PTCH1: variants seen among roughly 807,000 people sequenced by gnomAD.
The protein encoded by PTCH1 is protein patched homolog 1.
In PTCH1, 14 loss-of-function variants were observed where a neutral mutation model predicts 144.6. The observed-to-expected ratio is 0.10, with a 90% CI of 0.06 to 0.15. The LOEUF is 0.15. PTCH1 is among the 10% of genes least tolerant of loss of function. The pLI is 1.00. For missense variants in PTCH1, 1,623 were observed against 1,948.3 expected, an observed-to-expected ratio of 0.83 and a Z score of 3.14; for synonymous variants, 833 against 793.6, an observed-to-expected ratio of 1.05 and a Z score of -0.83.
intron 1 of PTCH1, among the ~76,000 whole-genome samples, chr9:95,514,911 T>C (rs1402416427): frequency 1.3e-5 from 2 of 152,344 alleles, no homozygotes; most frequent in East Asian, 1.9e-4. Flanking sequence ...GCGGGGCCTA[T>C]TGATGTCTAC....
At chr9:95,469,990 G>A (rs546887424) in intron 12 of PTCH1, 59 bp from the exon 13 acceptor site, 12 of 1,213,778 alleles carry the variant, frequency 9.9e-6, no homozygotes, top group South Asian at 7.2e-5. Flanking sequence ...TCAGAGGACT[G>A]CTTCGAAAAT....
In PTCH1 at chr9:95,468,734, A is replaced by G. The variant is rs367972605; in HGVS notation, c.2250+17T>C. The G allele has an allele frequency of 8.6e-5, 138 of 1,612,702 alleles. No homozygotes were observed. The highest frequency in any genetic ancestry group is 1.1e-4 in the Non-Finnish European group (135 of 1,178,890). On this transcript the variant is annotated intron_variant, in intron 14 of 23. Coordinates refer to ENST00000331920, the MANE Select transcript of PTCH1 (RefSeq NM_000264.5). Reference sequence around the variant, plus strand: ...TTTTTTTGAAGACAGGAAGAGCCTTAAGTTGTGGCAGATTACCTTGGCTTT... The same window carrying G: ...TTTTTTTGAAGACAGGAAGAGCCTTGAGTTGTGGCAGATTACCTTGGCTTT...
At chr9:95,477,767 G>A in intron 9 of PTCH1, 65 bp from the exon 10 acceptor site, 1 of 1,589,512 alleles carries the variant, frequency 6.3e-7, no homozygotes, top group East Asian at 2.3e-5. Context: ...TGATTCTAAT[G>A]TTTCCCTCCA....
chr9:95,482,092 G>C, intron 4 of PTCH1, 42 bp downstream of exon 4: 1 of 1,608,374 alleles, frequency 6.2e-7, no homozygotes. Flanking sequence ...CACACTACTG[G>C]GGTGTTCCTG....
chr9:95,501,572 C>G (rs888950238), intron 2 of PTCH1, among the ~76,000 whole-genome samples: 1 of 152,008 alleles, frequency 6.6e-6, no homozygotes, highest in Admixed American at 6.5e-5. Flanking sequence ...CACAACTTGC[C>G]TCCTTCTTCC....
At chr9:95,486,191 C>G in intron 2 of PTCH1, among the ~76,000 whole-genome samples, 1 of 152,204 alleles carries the variant, frequency 6.6e-6, no homozygotes. Flanking sequence ...GCAGACCAGA[C>G]CAAATAACCC....
intron 1 of PTCH1, chr9:95,507,542 G>A (rs1843783551): frequency 2.9e-6 from 2 of 696,708 alleles, no homozygotes; most frequent in Non-Finnish European, 1.8e-6. Flanking sequence ...AGGCCCTAAG[G>A]AGAGGCGGCT....
At chr9:95,469,201 T>C (rs772697851) in intron 13 of PTCH1, 48 bp from the exon 14 acceptor site, 2 of 1,610,692 alleles carry the variant, frequency 1.2e-6, no homozygotes, top group African/African-American at 1.3e-5. Context: ...AACAGGGAAA[T>C]GGTGCTTTCA....
chr9:95,476,067 G>T lies in PTCH1; in HGVS notation c.1695C>A (p.Ile565=), dbSNP rs1564046738. 6.2e-7 allele frequency: 1 copy of T among 1,614,110 alleles called. No individual in the cohort carries two copies. Residue 565 remains isoleucine, a synonymous_variant, in exon 12 of 24, where the codon ATC becomes ATA. Transcript: ENST00000331920. The surrounding 1 kb of genome is among the most constrained non-coding windows in gnomAD (Gnocchi z 4.6). ...NVTAFFMAAL[I]PIPALRAFSL... is the part of the protein sequence containing the mutation. Reference sequence around the variant, plus strand: ...AGAACGCCCGCAGAGCGGGAATTGGGATTAACGCGGCCATGAAGAAGGCTG... The same window carrying T: ...AGAACGCCCGCAGAGCGGGAATTGGTATTAACGCGGCCATGAAGAAGGCTG...
rs756949381 is a variant in PTCH1, at chr9:95,478,186, C to T, written c.1216G>A (p.Val406Met). 3.7e-6 allele frequency: 6 copies of T among 1,614,088 alleles called. No homozygotes were observed. The East Asian group carries it at 6.7e-5, about 18-fold the overall frequency. ...TTCTGTGCGACACTCTGATGAACCA[C>T]CTGTGGTCACAACAGAATGCGAAAT... ...LEAWQRTYVE[V>M]VHQSVAQNST... The change falls in exon 9 of 24, where the codon GTG becomes ATG. Residue 406 changes from valine to methionine, a missense_variant and splice_region_variant. This residue lies in a region of PTCH1 where 230 missense variants were observed against 271.0 expected (regional missense o/e 0.85). Transcript: ENST00000331920.
intron 5 of PTCH1, 60 bp downstream of exon 5, chr9:95,481,889 A>G (rs1841562333): frequency 7.1e-7 from 1 of 1,400,366 alleles, no homozygotes; most frequent in African/African-American, 1.4e-5. Flanking sequence ...GATAAGCAAC[A>G]TTAGAAACAC....
chr9:95,496,942 G>A (rs1488704459), intron 2 of PTCH1, among the ~76,000 whole-genome samples: 1 of 152,038 alleles, frequency 6.6e-6, no homozygotes, highest in African/African-American at 2.4e-5. Context: ...GTGGGAATGT[G>A]GAAGAATTCA....
chr9:95,470,022 T>C (rs1840423152), intron 12 of PTCH1, 91 bp from the exon 13 acceptor site: 3 of 1,001,360 alleles, frequency 3.0e-6, no homozygotes, highest in Non-Finnish European at 4.8e-6. Context: ...TAAACAATAT[T>C]TTTCTTTCCC....
chr9:95,479,865 T>C (rs1439579597), intron 7 of PTCH1, 104 bp downstream of exon 7: 3 of 1,568,502 alleles, frequency 1.9e-6, no homozygotes, highest in Admixed American at 1.7e-5. Context: ...AGGATAACGG[T>C]TTAAGTATTA....
At chr9:95,446,765 C>T in intron 23 of PTCH1, 146 bp downstream of exon 23, 1 of 1,047,048 alleles carries the variant, frequency 9.6e-7, no homozygotes, top group Non-Finnish European at 1.4e-6. Flanking sequence ...ATCAGCCTTG[C>T]TCTGGGGATA....
intron 19 of PTCH1, among the ~76,000 whole-genome samples, chr9:95,455,160 A>G (rs1838802868): frequency 6.6e-6 from 1 of 152,222 alleles, no homozygotes; most frequent in Non-Finnish European, 1.5e-5. Context: ...TTGCCATATT[A>G]TTGGCTTTTT....
At position 95,468,870 on chromosome 9, in the gene PTCH1, G is replaced by A. The variant is rs769694112; in HGVS notation, c.2131C>T (p.Leu711=). The A allele has an allele frequency of 6.2e-7, 1 of 1,614,168 alleles. No individual in the cohort carries two copies. Among genetic ancestry groups the A allele is most frequent in the Non-Finnish European group, 8.5e-7 (1 of 1,180,022 alleles). The change falls in exon 14 of 24, where the codon CTG becomes TTG. Residue 711 remains leucine, a synonymous_variant. Coordinates refer to ENST00000331920, the MANE Select transcript of PTCH1 (RefSeq NM_000264.5). ...CTGGAGTCGGAGAACTGGGAGAGCA[G>A]GTCCCTTGTGGAGCTGGTGCTCTCT... ...SPESTSSTRD[L]LSQFSDSSLH... is the part of the protein sequence containing the mutation.
chr9:95,484,125 C>T (rs141250561), intron 3 of PTCH1: 8 of 152,238 alleles, frequency 5.3e-5, no homozygotes, highest in African/African-American at 1.7e-4. Context: ...ACCCTCACAT[C>T]TTCTCCTGAA....
At chr9:95,506,756 A>T in intron 1 of PTCH1, 157 bp from the exon 2 acceptor site, 2 of 1,057,508 alleles carry the variant, frequency 1.9e-6, no homozygotes, top group South Asian at 7.1e-5. Flanking sequence ...GCCCCGGCGG[A>T]TCTGAGCGTC....
Sources: allele counts gnomAD v4.1 joint callset (sites outside exome capture counted in the v4.1 genomes callset), GRCh38; gene constraint gnomAD v4.1.1; regional missense constraint gnomAD v4.1.1; non-coding constraint Gnocchi (gnomAD v3.1); transcripts MANE v1.5; gene names NCBI Gene and HGNC (gene_info 2026-07-23, HGNC 2026-07-21).